Variants in R3HDM2 observed in about 807,000 individuals in gnomAD.
R3HDM2 encodes R3H domain-containing protein 2.
R3HDM2 carries 38 observed loss-of-function variants against 124.5 expected under a neutral mutation model. The observed-to-expected ratio is 0.31, with a 90% CI of 0.24 to 0.40. R3HDM2 has a LOEUF of 0.40. R3HDM2 is among the 10% of genes least tolerant of loss of function. The pLI is 1.00. For synonymous variants in R3HDM2, 391 were observed against 448.0 expected, an observed-to-expected ratio of 0.87 and a Z score of 1.61; for missense variants, 869 against 1,236.9, an observed-to-expected ratio of 0.70 and a Z score of 4.46.
At chr12:57,420,560 A>C in intron 1 of R3HDM2, among the ~76,000 whole-genome samples, 1 of 139,300 alleles carries the variant, frequency 7.2e-6, no homozygotes, top group East Asian at 2.1e-4. Context: ...GTCTCATTAT[A>C]TTGCCCAGGC....
chr12:57,275,501 GAAAA>G (rs56371479), intron 14 of R3HDM2, among the ~76,000 whole-genome samples: 1 of 127,526 alleles, frequency 7.8e-6, no homozygotes, highest in East Asian at 2.1e-4. Flanking sequence ...CGTTTGCATG[GAAAA>G]AAAAAAAAAA....
At position 57,254,700 on chromosome 12, in the gene R3HDM2, G is replaced by C; in HGVS notation, c.*73C>G. 7.7e-7 allele frequency: 1 copy of C among 1,297,296 alleles called. No individual in the cohort carries two copies. Among genetic ancestry groups the C allele is most frequent in the Non-Finnish European group, 1.1e-6 (1 of 942,132 alleles). 80.4% of individuals were successfully genotyped at this position (1,297,296 alleles called of 1,614,324 possible). A position where few individuals can be genotyped will look rare whatever the true frequency, so the allele number is the denominator to read the frequency against. ...TCCTTACTTCCTGCCTCTGTCCATGGTCTGTCAGGATCCTTCAACCCCCTC... is the reference window on the plus strand; with the variant it reads ...TCCTTACTTCCTGCCTCTGTCCATGCTCTGTCAGGATCCTTCAACCCCCTC... On this transcript the variant is annotated 3_prime_UTR_variant, in exon 24 of 24. Coordinates refer to ENST00000402412, the MANE Select transcript of R3HDM2 (RefSeq NM_001394031.1).
chr12:57,362,057 G>A (rs1392598834), intron 2 of R3HDM2, among the ~76,000 whole-genome samples: 3 of 152,132 alleles, frequency 2.0e-5, no homozygotes, highest in African/African-American at 7.2e-5. Flanking sequence ...GCTTGAGCCT[G>A]GGAGGCAGAA....
chr12:57,386,155 G>GCTCGCAGCCCTCGCAGCCCTCC (rs71084750), intron 2 of R3HDM2, among the ~76,000 whole-genome samples: 1 of 147,368 alleles, frequency 6.8e-6, no homozygotes, highest in African/African-American at 2.4e-5. Flanking sequence ...TGCTGGCAGC[G>GCTCGCAGCCCTCGCAGCCCTCC]CTCGCAGCCC....
chr12:57,387,109 T>C (rs921618889), intron 2 of R3HDM2, among the ~76,000 whole-genome samples: 4 of 152,034 alleles, frequency 2.6e-5, no homozygotes, highest in East Asian at 1.9e-4. Context: ...CTCTGTAAAA[T>C]GGACCAATCA....
intron 2 of R3HDM2, among the ~76,000 whole-genome samples, chr12:57,361,910 C>A (rs561217537): frequency 6.6e-6 from 1 of 152,206 alleles, no homozygotes; most frequent in South Asian, 2.1e-4. Flanking sequence ...AGATGAGTTT[C>A]CAGACACCAT....
chr12:57,275,637 A>G (rs2044520755), intron 14 of R3HDM2, among the ~76,000 whole-genome samples: 1 of 152,222 alleles, frequency 6.6e-6, no homozygotes, highest in Admixed American at 6.5e-5. Context: ...GAAAAAAACA[A>G]TCCCATCAAA....
chr12:57,423,299 C>T (rs1434641244), intron 1 of R3HDM2, among the ~76,000 whole-genome samples: 1 of 151,938 alleles, frequency 6.6e-6, no homozygotes. Context: ...TGGCGCACCC[C>T]TGTAATCCCA....
At chr12:57,426,298 GCTC>G (rs1271057720) in intron 1 of R3HDM2, among the ~76,000 whole-genome samples, 3 of 152,136 alleles carry the variant, frequency 2.0e-5, no homozygotes, top group Admixed American at 6.5e-5. Context: ...TAGGGTGCCT[GCTC>G]CTTTTTATCC....
intron 1 of R3HDM2, among the ~76,000 whole-genome samples, chr12:57,422,039 G>C (rs2070259947): frequency 6.8e-6 from 1 of 147,158 alleles, no homozygotes; most frequent in Admixed American, 6.9e-5. Context: ...GTTGCAGTGA[G>C]CCGAAATGTG....
At chr12:57,266,908 C>T (rs2042556863) in intron 18 of R3HDM2, 77 bp from the exon 19 acceptor site, 2 of 1,079,442 alleles carry the variant, frequency 1.9e-6, no homozygotes, top group South Asian at 1.6e-5. Flanking sequence ...CTGCTGCTTC[C>T]TGGTCCTCCC....
intron 1 of R3HDM2, among the ~76,000 whole-genome samples, chr12:57,398,095 C>T (rs1176977137): frequency 6.8e-6 from 1 of 146,116 alleles, no homozygotes; most frequent in South Asian, 2.3e-4. Context: ...AGCAGGAAAT[C>T]GCTTGAAACT....
intron 1 of R3HDM2, 46 bp downstream of exon 1, chr12:57,430,674 C>T (rs1276918772): frequency 1.2e-6 from 1 of 828,778 alleles, no homozygotes. Context: ...CCCCTCCCCA[C>T]AGGCCGTCCG....
intron 1 of R3HDM2, among the ~76,000 whole-genome samples, chr12:57,422,739 GC>G (rs2070334826): frequency 6.6e-6 from 1 of 152,146 alleles, no homozygotes; most frequent in African/African-American, 2.4e-5. Context: ...ACTTTGGGAG[GC>G]CAAGGCAGGA....
intron 2 of R3HDM2, among the ~76,000 whole-genome samples, chr12:57,315,955 C>G (rs147734953): frequency 1.6e-4 from 25 of 152,218 alleles, no homozygotes; most frequent in Non-Finnish European, 2.9e-4. Flanking sequence ...CCCATCTCTA[C>G]CAAAAATACA....
chr12:57,315,396 C>T (rs1410922239), intron 2 of R3HDM2, among the ~76,000 whole-genome samples: 1 of 152,100 alleles, frequency 6.6e-6, no homozygotes, highest in African/African-American at 2.4e-5. Context: ...AGGCTGGTCT[C>T]AAACTCCTGA....
rs550826928 is a variant in R3HDM2, at chr12:57,253,934, A to G, written c.*839T>C. ...TGTTACTGCGGCACGAACCTCAAAC[A>G]AACAATATACAAGTGTTCTGGGGGG... On this transcript the variant is annotated 3_prime_UTR_variant, in exon 24 of 24. Coordinates refer to ENST00000402412, the MANE Select transcript of R3HDM2 (RefSeq NM_001394031.1). 1.7e-5 allele frequency: 5 copies of G among 297,314 alleles called. No individual in the cohort carries two copies. The East Asian group carries it at 5.3e-4, about 31-fold the overall frequency. The allele number at this position is 297,314 out of a possible 1,614,324, so 18.4% of individuals were successfully genotyped here.
chr12:57,406,321 CA>C (rs371243114), intron 1 of R3HDM2, among the ~76,000 whole-genome samples: 226 of 55,368 alleles, frequency 4.1e-3, no homozygotes, highest in Middle Eastern at 9.4e-3. Flanking sequence ...AACTCCGTCT[CA>C]AAAAAAAAAA....
chr12:57,310,474 A>T lies in R3HDM2; in HGVS notation c.-35-11T>A. On this transcript the variant is annotated splice_polypyrimidine_tract_variant and intron_variant, in intron 2 of 23. Transcript: ENST00000402412. ...GGCCTCTATGGACTCCTAAAGAAAC[A>T]TCAAATGCATTAAGCAGGAGGTATG... is the stretch of plus-strand genomic sequence containing the variant. The T allele has an allele frequency of 7.2e-7, 1 of 1,385,476 alleles. No homozygotes were observed. Among genetic ancestry groups the T allele is most frequent in the Non-Finnish European group, 9.5e-7 (1 of 1,053,752 alleles). 85.8% of individuals were successfully genotyped at this position (1,385,476 alleles called of 1,614,324 possible).
Sources: gnomAD v4.1 joint callset for allele counts (sites outside exome capture counted in the v4.1 genomes callset) on GRCh38, gnomAD v4.1.1 for gene constraint, MANE v1.5 for transcripts, NCBI Gene and HGNC (gene_info 2026-07-23, HGNC 2026-07-21) for gene names.